LMNTD1: variants seen among roughly 807,000 people sequenced by gnomAD.
LMNTD1 encodes lamin tail domain-containing protein 1.
LMNTD1 carries 35 observed loss-of-function variants against 50.9 expected under a neutral mutation model. The ratio of observed to expected loss-of-function variants is 0.69; its 90% CI spans 0.53 to 0.91. The LOEUF (loss-of-function observed/expected upper bound fraction) is 0.91. LMNTD1 is among the 40% of genes least tolerant of loss of function. The pLI, the probability that LMNTD1 is intolerant of heterozygous loss-of-function variation, is 0.00. For missense variants in LMNTD1, 470 were observed against 475.5 expected, an observed-to-expected ratio of 0.99 and a Z score of 0.11; for synonymous variants, 153 against 161.9, an observed-to-expected ratio of 0.94 and a Z score of 0.42.
Position 25,503,782 on chromosome 12 carries a change from G to A in LMNTD1, c.1208C>T (p.Thr403Ile). The A allele has an allele frequency of 6.3e-7, 1 of 1,584,646 alleles. No homozygotes were observed. The highest frequency in any genetic ancestry group is 1.8e-5 in the Admixed American group (1 of 56,538). ...TGCTTATTGCTTTTGTGACTCAGAT[G>A]TCTTCTTTTTCTTAGACCCTGAAAA... ...NRASGSKKKK[T>I]SESQKQ Residue 403 changes from threonine to isoleucine, a missense_variant, in exon 9 of 10, where the codon ACA becomes ATA. By Grantham distance (89) the Thr-to-Ile change is moderately conservative (BLOSUM62 -1). Coordinates refer to ENST00000458174, the MANE Select transcript of LMNTD1 (RefSeq NM_001145728.2).
chr12:25,562,331 G>T (rs146773651), intron 1 of LMNTD1, among the ~76,000 whole-genome samples: 1,957 of 152,274 alleles, frequency 0.013, 14 homozygotes, highest in Non-Finnish European at 0.019. Context: ...GGGAGGCCTG[G>T]TGGTGACAAA....
At chr12:25,570,783 A>G (rs540104726) in intron 1 of LMNTD1, among the ~76,000 whole-genome samples, 7 of 152,112 alleles carry the variant, frequency 4.6e-5, no homozygotes, top group Non-Finnish European at 1.0e-4. Flanking sequence ...TTGCTAGCCC[A>G]CTCCATTCTT....
upstream of LMNTD1, among the ~76,000 whole-genome samples, chr12:25,556,670 A>G (rs1472645118): frequency 1.3e-5 from 2 of 152,218 alleles, no homozygotes; most frequent in African/African-American, 2.4e-5. Context: ...TTGAAGCCCC[A>G]TAAGAGTAGA....
chr12:25,604,455 G>A (rs974843822), intron 1 of LMNTD1, among the ~76,000 whole-genome samples: 46 of 151,874 alleles, frequency 3.0e-4, no homozygotes, highest in African/African-American at 9.2e-4. Flanking sequence ...CCATTAACTC[G>A]TCATTTAGCA....
At chr12:25,530,320 G>T (rs1216842901) in intron 4 of LMNTD1, among the ~76,000 whole-genome samples, 1 of 152,036 alleles carries the variant, frequency 6.6e-6, no homozygotes, top group Non-Finnish European at 1.5e-5. Context: ...AATTTTTACT[G>T]TGATAAAATT....
At position 25,514,623 on chromosome 12, in the gene LMNTD1, C is replaced by G. The variant is rs544426052; in HGVS notation, c.1189+4172G>C. Reference sequence around the variant, plus strand: ...GATAGTACAATAGGGTGACTACAGTCAATAATAACTTAATTGTACATTTTA... The same window carrying G: ...GATAGTACAATAGGGTGACTACAGTGAATAATAACTTAATTGTACATTTTA... On this transcript the variant is annotated intron_variant, in intron 8 of 9. Transcript: ENST00000458174. Among the ~76,000 whole-genome samples, 19 of 151,552 alleles carry G rather than the reference C, an allele frequency of 1.3e-4. No homozygotes were observed. In the South Asian group the frequency reaches 4.0e-3, roughly 32 times the overall value.
At chr12:25,603,908 T>C (rs1157176217) in intron 1 of LMNTD1, among the ~76,000 whole-genome samples, 10 of 151,386 alleles carry the variant, frequency 6.6e-5, no homozygotes, top group African/African-American at 2.2e-4. Flanking sequence ...GTCAGGGAAA[T>C]TGTAGATATA....
chr12:25,593,746 T>C (rs2136485404), intron 1 of LMNTD1, among the ~76,000 whole-genome samples: 1 of 151,270 alleles, frequency 6.6e-6, no homozygotes, highest in South Asian at 2.1e-4. Context: ...GAAGGTTAAT[T>C]ATTAAGTTAA....
At chr12:25,493,166 C>G (rs768957586) in intron 9 of LMNTD1, among the ~76,000 whole-genome samples, 1 of 152,116 alleles carries the variant, frequency 6.6e-6, no homozygotes, top group Non-Finnish European at 1.5e-5. Context: ...AGTATCTTTC[C>G]CACTGGTCTA....
chr12:25,646,893 A>G (rs1020400082), intron 1 of LMNTD1, among the ~76,000 whole-genome samples: 1 of 152,218 alleles, frequency 6.6e-6, no homozygotes, highest in Non-Finnish European at 1.5e-5. Context: ...TTTGAAATTC[A>G]AATAATATGA....
chr12:25,610,976 C>T (rs546644794), intron 1 of LMNTD1, among the ~76,000 whole-genome samples: 2 of 152,116 alleles, frequency 1.3e-5, no homozygotes, highest in South Asian at 4.1e-4. Context: ...TCTCAAGTAA[C>T]GTCTTTAAGG....
At chr12:25,605,485 G>T (rs1057280586) in intron 1 of LMNTD1, among the ~76,000 whole-genome samples, 3 of 152,114 alleles carry the variant, frequency 2.0e-5, no homozygotes, top group African/African-American at 4.8e-5. Context: ...GGTCTAACAT[G>T]TAAGTCTTTA....
At chr12:25,583,395 C>A (rs1007133009) in intron 1 of LMNTD1, among the ~76,000 whole-genome samples, 1 of 152,066 alleles carries the variant, frequency 6.6e-6, no homozygotes, top group South Asian at 2.1e-4. Flanking sequence ...TCTTGAACTG[C>A]TGAGCTCAAG....
At chr12:25,602,862 G>C (rs764170729) in intron 1 of LMNTD1, among the ~76,000 whole-genome samples, 2 of 151,964 alleles carry the variant, frequency 1.3e-5, no homozygotes, top group Non-Finnish European at 2.9e-5. Context: ...AGTTGCTCTG[G>C]TTTTCTTGTT....
chr12:25,511,821 G>A (rs1355385), intron 8 of LMNTD1, among the ~76,000 whole-genome samples: 7,692 of 152,036 alleles, frequency 0.051, 461 homozygotes, highest in East Asian at 0.19. Flanking sequence ...TATTTCAGTC[G>A]GATACAATTT....
intron 1 of LMNTD1, among the ~76,000 whole-genome samples, chr12:25,585,364 T>G (rs1024024780): frequency 6.6e-6 from 1 of 152,214 alleles, no homozygotes; most frequent in Non-Finnish European, 1.5e-5. Context: ...TTACAAAGTG[T>G]TCTTTCTGCC....
intron 1 of LMNTD1, among the ~76,000 whole-genome samples, chr12:25,600,352 A>G (rs1945937853): frequency 6.6e-6 from 1 of 152,116 alleles, no homozygotes; most frequent in Non-Finnish European, 1.5e-5. Context: ...GTACTACAAG[A>G]AAACGTTGAG....
intron 1 of LMNTD1, among the ~76,000 whole-genome samples, chr12:25,578,665 C>A (rs772658634): frequency 6.6e-6 from 1 of 152,112 alleles, no homozygotes; most frequent in Admixed American, 6.6e-5. Context: ...TGCCATTTGC[C>A]AAGTCAGCAT....
chr12:25,513,210 A>G (rs2135995135), intron 8 of LMNTD1, among the ~76,000 whole-genome samples: 1 of 152,380 alleles, frequency 6.6e-6, no homozygotes, highest in Non-Finnish European at 1.5e-5. Context: ...GATTAAAAAT[A>G]TGAATAAGAC....
Sources: allele counts gnomAD v4.1 joint callset (sites outside exome capture counted in the v4.1 genomes callset), GRCh38; gene constraint gnomAD v4.1.1; transcripts MANE v1.5; gene names NCBI Gene and HGNC (gene_info 2026-07-23, HGNC 2026-07-21).